The following PLPP4 variants were observed in gnomAD, a reference collection of about 807,000 sequenced individuals.
The protein encoded by PLPP4 is phospholipid phosphatase 4, also known as diacylglycerol pyrophosphate like 2.
A neutral mutation model predicts 32.2 loss-of-function variants in PLPP4; 20 were observed. That is an observed-to-expected ratio of 0.62 (90% CI 0.44 to 0.90). PLPP4 has a LOEUF of 0.90. Ranked by LOEUF, PLPP4 falls within the 40% of genes least tolerant of loss-of-function variation. PLPP4 has a pLI of 0.00. For synonymous variants in PLPP4, 127 were observed against 133.0 expected (o/e 0.95, Z 0.31); for missense variants, 257 against 353.1 (o/e 0.73, Z 2.18).
At chr10:120,581,156 T>C in intron 6 of PLPP4, 1 of 985,460 alleles carries the variant, frequency 1.0e-6, no homozygotes, top group Non-Finnish European at 1.2e-6. Flanking sequence ...AGGATAGCCC[T>C]GGTGTTTCCC....
rs777368277 is a variant in PLPP4 at position 120,503,915 on chromosome 10, C to T, written c.154C>T (p.Arg52Cys). The T allele has an allele frequency of 2.9e-5, 46 of 1,600,594 alleles. No homozygotes were observed. Among genetic ancestry groups the T allele is most frequent in the South Asian group, 1.1e-4 (10 of 90,724 alleles). The change falls in exon 2 of 7, where the codon CGC becomes TGC. Residue 52 changes from arginine to cysteine, a missense_variant. Coordinates refer to ENST00000398250, the MANE Select transcript of PLPP4 (RefSeq NM_001030059.3). ...GGTGCAATCAGATAACATACCTACC[C>T]GCCTCATGTTTGTAAGTACCATGAT... ...PLVQSDNIPT[R>C]LMFAISFLTP... is the part of the protein sequence containing the mutation.
chr10:120,577,502 C>A (rs899773727), intron 6 of PLPP4, among the ~76,000 whole-genome samples: 2 of 152,256 alleles, frequency 1.3e-5, no homozygotes, highest in Middle Eastern at 3.4e-3. Flanking sequence ...CTGGTGTACC[C>A]AAGGCCTGTT....
At chr10:120,477,037 T>C (rs995925403) in intron 1 of PLPP4, among the ~76,000 whole-genome samples, 2 of 152,196 alleles carry the variant, frequency 1.3e-5, no homozygotes, top group Admixed American at 1.3e-4. Context: ...TCTTGGCTTC[T>C]TTCTTAAATC....
chr10:120,586,050 G>C (rs1849737654), intron 6 of PLPP4, among the ~76,000 whole-genome samples: 1 of 152,140 alleles, frequency 6.6e-6, no homozygotes, highest in South Asian at 2.1e-4. Context: ...TGACTAGTTA[G>C]AATGACTTTT....
At chr10:120,555,466 C>A (rs190123565) in intron 5 of PLPP4, among the ~76,000 whole-genome samples, 1 of 152,276 alleles carries the variant, frequency 6.6e-6, no homozygotes, top group Admixed American at 6.5e-5. Flanking sequence ...AAAGACTGAA[C>A]AGAAATGAGA....
chr10:120,564,940 T>A (rs894140894), intron 5 of PLPP4, among the ~76,000 whole-genome samples: 2 of 152,184 alleles, frequency 1.3e-5, no homozygotes, highest in African/African-American at 4.8e-5. Flanking sequence ...TTTATATACT[T>A]CTTTGTCCTT....
At position 120,510,697 on chromosome 10, in the gene PLPP4, T is replaced by G. The variant is rs12770951; in HGVS notation, c.166-3214T>G. Among the ~76,000 whole-genome samples, 746 of 152,082 alleles carry G rather than the reference T, an allele frequency of 4.9e-3. 19 individuals are homozygous for G. Among genetic ancestry groups the G allele is most frequent in the Non-Finnish European group, 1.8e-3 (119 of 67,996 alleles). On this transcript the variant is annotated intron_variant, in intron 2 of 6. Coordinates refer to ENST00000398250, the MANE Select transcript of PLPP4 (RefSeq NM_001030059.3). ...TACCCAGTTCAGAGGTGTTTTGCCC[T>G]AGGAGGAAGTCGTTTTCCTAATGTG...
intron 1 of PLPP4, among the ~76,000 whole-genome samples, chr10:120,483,124 G>A (rs185575612): frequency 3.0e-4 from 45 of 152,250 alleles, no homozygotes; most frequent in African/African-American, 1.0e-3. Context: ...GCCTGCCCTC[G>A]AACATCAGAC....
At chr10:120,507,012 C>T (rs150878813) in intron 2 of PLPP4, among the ~76,000 whole-genome samples, 8 of 152,308 alleles carry the variant, frequency 5.3e-5, no homozygotes, top group South Asian at 2.1e-4. Context: ...AAAGAGGTAC[C>T]GGTTTCCTGC....
At chr10:120,586,988 T>C (rs555486368) in intron 6 of PLPP4, among the ~76,000 whole-genome samples, 18 of 152,196 alleles carry the variant, frequency 1.2e-4, no homozygotes, top group African/African-American at 4.1e-4. Context: ...AGAAATGACA[T>C]TGAGCCCTGA....
intron 5 of PLPP4, among the ~76,000 whole-genome samples, chr10:120,538,046 C>CTGTGTGTGTGTGTGTG (rs1564825161): frequency 4.1e-5 from 1 of 24,660 alleles, no homozygotes; most frequent in Non-Finnish European, 7.7e-5. Context: ...CTCTCTCTCT[C>CTGTGTGTGTGTGTGTG]TCTCTCTGTG....
At position 120,560,122 on chromosome 10, in the gene PLPP4, T is replaced by C. The variant is rs151314459; in HGVS notation, c.446-15009T>C. 1.0e-3 allele frequency among the ~76,000 whole-genome samples: 159 copies of C among 152,318 alleles called. 3 individuals carry two copies. The highest frequency in any genetic ancestry group is 7.7e-3 in the Admixed American group (118 of 15,298). On this transcript the variant is annotated intron_variant, in intron 5 of 6. Transcript: ENST00000398250. The stretch of plus-strand genomic sequence containing the variant: ...CACAGTTGTCGCATATTTCCCATTG[T>C]GTTTGGTGCAATGTTGTAAACCTTG...
At chr10:120,559,135 GCTTTTCT>G (rs1375683465) in intron 5 of PLPP4, among the ~76,000 whole-genome samples, 16 of 152,022 alleles carry the variant, frequency 1.1e-4, no homozygotes, top group Non-Finnish European at 1.9e-4. Context: ...ATGGATCTTA[GCTTTTCT>G]CTTATATAAC....
chr10:120,552,302 G>A (rs993928163), intron 5 of PLPP4, among the ~76,000 whole-genome samples: 3 of 151,844 alleles, frequency 2.0e-5, no homozygotes, highest in African/African-American at 7.3e-5. Context: ...GAGAGAATAA[G>A]GCATCTTTCT....
At chr10:120,483,972 G>T (rs138285705) in intron 1 of PLPP4, among the ~76,000 whole-genome samples, 1 of 152,130 alleles carries the variant, frequency 6.6e-6, no homozygotes, top group Non-Finnish European at 1.5e-5. Context: ...TTTCTCTATA[G>T]CAACACAAAA....
chr10:120,478,325 T>C (rs541618758), intron 1 of PLPP4, among the ~76,000 whole-genome samples: 2 of 152,330 alleles, frequency 1.3e-5, no homozygotes, highest in Non-Finnish European at 2.9e-5. Flanking sequence ...CAGGCCCAGA[T>C]ACTTGGCACA....
intron 5 of PLPP4, among the ~76,000 whole-genome samples, chr10:120,528,234 T>C (rs1416702162): frequency 1.3e-5 from 2 of 151,922 alleles, no homozygotes; most frequent in Admixed American, 1.3e-4. Flanking sequence ...GCCACCATGC[T>C]CGGCTAATTT....
intron 5 of PLPP4, among the ~76,000 whole-genome samples, chr10:120,573,028 C>A (rs566728863): frequency 2.7e-4 from 41 of 152,250 alleles, no homozygotes; most frequent in African/African-American, 8.9e-4. Flanking sequence ...GACTCTAAAT[C>A]ATCAAGGCTC....
chr10:120,482,577 T>C (rs997273147), intron 1 of PLPP4, among the ~76,000 whole-genome samples: 1 of 152,056 alleles, frequency 6.6e-6, no homozygotes, highest in Non-Finnish European at 1.5e-5. Context: ...CATGAAAGTT[T>C]GGAAAATTTG....
Sources: allele counts gnomAD v4.1 joint callset (sites outside exome capture counted in the v4.1 genomes callset), GRCh38; gene constraint gnomAD v4.1.1; transcripts MANE v1.5; gene names NCBI Gene and HGNC (gene_info 2026-07-23, HGNC 2026-07-21).